OOSP1: variants seen among roughly 807,000 people sequenced by gnomAD.
The protein encoded by OOSP1 is oocyte secreted protein 1.
OOSP1 carries 11 observed loss-of-function variants against 5.7 expected under a neutral mutation model. The ratio of observed to expected loss-of-function variants is 1.94; its 90% confidence interval spans 1.22 to 3.20. The LOEUF (loss-of-function observed/expected upper bound fraction) is 3.20. Among genes scored for constraint, OOSP1 ranks in the 30% most tolerant of loss-of-function variants. The pLI is 0.00. For synonymous variants in OOSP1, 44 were observed against 20.0 expected, an observed-to-expected ratio of 2.20 and a Z score of -3.20; for missense variants, 83 against 54.1, an observed-to-expected ratio of 1.53 and a Z score of -1.67.
chr11:59,951,196 T>C (rs1853936134), intron 4 of OOSP1, among the ~76,000 whole-genome samples: 1 of 151,670 alleles, frequency 6.6e-6, no homozygotes, highest in Non-Finnish European at 1.5e-5. Context: ...TCAGGTGGGG[T>C]AACCTCGTAT....
At chr11:59,954,387 A>G (rs980178922) in intron 4 of OOSP1, among the ~76,000 whole-genome samples, 5 of 151,694 alleles carry the variant, frequency 3.3e-5, no homozygotes, top group African/African-American at 9.7e-5. Flanking sequence ...TTTTTTTTTT[A>G]CCAAAATAGG....
intron 1 of OOSP1, among the ~76,000 whole-genome samples, chr11:59,938,773 T>A (rs1214503635): frequency 1.3e-5 from 2 of 152,226 alleles, no homozygotes; most frequent in African/African-American, 4.8e-5. Flanking sequence ...CCTTTTGATC[T>A]TATTCTGACC....
chr11:59,943,123 A>G (rs569474082), intron 2 of OOSP1, 95 bp downstream of exon 2: 22 of 499,604 alleles, frequency 4.4e-5, no homozygotes, highest in African/African-American at 4.2e-4. Context: ...ATTCCCACCT[A>G]TGAGTGAGAA....
At chr11:59,957,472 C>T (rs1854004017) in exon 5 of OOSP1, 1 of 356,434 alleles carries the variant, frequency 2.8e-6, no homozygotes, top group Non-Finnish European at 5.0e-6. Context: ...CAATAAAATT[C>T]TGAAAACGAG....
intron 3 of OOSP1, among the ~76,000 whole-genome samples, chr11:59,946,377 A>T (rs890889828): frequency 6.6e-6 from 1 of 152,154 alleles, no homozygotes; most frequent in Non-Finnish European, 1.5e-5. Context: ...GCCGTGCTAA[A>T]CCATTCGTGA....
At chr11:59,951,141 T>C (rs1012016764) in intron 4 of OOSP1, among the ~76,000 whole-genome samples, 1 of 151,886 alleles carries the variant, frequency 6.6e-6, no homozygotes, top group Non-Finnish European at 1.5e-5. Context: ...GCTGAAATGC[T>C]GAATATAAAA....
intron 4 of OOSP1, among the ~76,000 whole-genome samples, chr11:59,956,791 G>A (rs942256402): frequency 2.6e-5 from 4 of 152,088 alleles, no homozygotes; most frequent in African/African-American, 9.7e-5. Flanking sequence ...ACATATAAGT[G>A]AGAACATACA....
In OOSP1 at chr11:59,939,819, C is replaced by G. The variant is rs73493111; in HGVS notation, c.76+1289C>G. On this transcript the variant is annotated intron_variant, in intron 1 of 4. Transcript: ENST00000646685. Reference sequence around the variant, plus strand: ...TTTCTCTTTCTCTTCTCTTTCTCTTCTTTCTCTTTCTTTTGTTTTCTTTCT... The same window carrying G: ...TTTCTCTTTCTCTTCTCTTTCTCTTGTTTCTCTTTCTTTTGTTTTCTTTCT... Among the ~76,000 whole-genome samples, 877 of 149,578 alleles carry G rather than the reference C, an allele frequency of 5.9e-3. 12 individuals carry two copies. Among genetic ancestry groups the G allele is most frequent in the African/African-American group, 0.019 (782 of 40,682 alleles).
intron 3 of OOSP1, among the ~76,000 whole-genome samples, 159 bp from the exon 4 acceptor site, chr11:59,947,574 A>G (rs1853899159): frequency 6.6e-6 from 1 of 152,086 alleles, no homozygotes; most frequent in African/African-American, 2.4e-5. Context: ...ACTGCCTGTG[A>G]TGTTCTGGGG....
chr11:59,940,026 C>T (rs576288829), intron 1 of OOSP1, among the ~76,000 whole-genome samples: 1 of 152,352 alleles, frequency 6.6e-6, no homozygotes, highest in Non-Finnish European at 1.5e-5. Flanking sequence ...AGGCGTGAGC[C>T]ACTGCTTCCT....
chr11:59,954,711 C>A (rs566073818), intron 4 of OOSP1, among the ~76,000 whole-genome samples: 4 of 151,972 alleles, frequency 2.6e-5, no homozygotes, highest in African/African-American at 9.6e-5. Flanking sequence ...ATAATAGCAT[C>A]TTTCATTGAG....
intron 2 of OOSP1, 134 bp downstream of exon 2, chr11:59,943,162 G>T (rs945464680): frequency 4.0e-6 from 1 of 252,734 alleles, no homozygotes; most frequent in Non-Finnish European, 7.5e-6. Flanking sequence ...TTGTCCTTGC[G>T]ATAGTTTGCT....
In OOSP1 at chr11:59,947,719, T is replaced by C; in HGVS notation, c.357-14T>C. Reference sequence around the variant, plus strand: ...AACCACTATGTGATATTTTTCTATCTTCTCTTATTTTAGTCAGCATCATCT... The same window carrying C: ...AACCACTATGTGATATTTTTCTATCCTCTCTTATTTTAGTCAGCATCATCT... On this transcript the variant is annotated splice_polypyrimidine_tract_variant and intron_variant, in intron 3 of 4. Transcript: ENST00000646685. 1 of 398,636 alleles carries C rather than the reference T, an allele frequency of 2.5e-6. No individual in the cohort carries two copies. Among genetic ancestry groups the C allele is most frequent in the Non-Finnish European group, 4.4e-6 (1 of 225,776 alleles). 24.7% of individuals were successfully genotyped at this position (398,636 alleles called of 1,614,324 possible).
intron 4 of OOSP1, among the ~76,000 whole-genome samples, chr11:59,951,568 G>A (rs893244497): frequency 6.6e-6 from 1 of 152,110 alleles, no homozygotes; most frequent in Non-Finnish European, 1.5e-5. Context: ...CTCTCTTGGA[G>A]TTAGCTTTAG....
intron 1 of OOSP1, 90 bp from the exon 2 acceptor site, chr11:59,942,757 T>TCC (rs1305173770): frequency 1.6e-6 from 1 of 610,056 alleles, no homozygotes; most frequent in Non-Finnish European, 2.9e-6. Context: ...AGGGATGATC[T>TCC]CTTCATTTGT....
At chr11:59,943,950 A>G (rs1465993763) in intron 2 of OOSP1, among the ~76,000 whole-genome samples, 2 of 152,248 alleles carry the variant, frequency 1.3e-5, no homozygotes, top group Non-Finnish European at 2.9e-5. Flanking sequence ...GATAAATTCC[A>G]CAGATTGGGT....
chr11:59,941,185 G>T (rs987974148), intron 1 of OOSP1, among the ~76,000 whole-genome samples: 1 of 151,602 alleles, frequency 6.6e-6, no homozygotes, highest in African/African-American at 2.4e-5. Flanking sequence ...TGGAATTGGC[G>T]TTTTTTTTCA....
chr11:59,947,995 G>T, intron 4 of OOSP1, 133 bp downstream of exon 4: 1 of 394,646 alleles, frequency 2.5e-6, no homozygotes, highest in Non-Finnish European at 4.5e-6. Context: ...TCCGGTTCAA[G>T]AATGCAAATT....
chr11:59,949,503 TA>T (rs112691509), intron 4 of OOSP1, among the ~76,000 whole-genome samples: 1,633 of 147,010 alleles, frequency 0.011, 30 homozygotes, highest in African/African-American at 0.037. Flanking sequence ...ATAATAAAAT[TA>T]AAAAAAAAAG....
Sources: gnomAD v4.1 joint callset for allele counts (sites outside exome capture counted in the v4.1 genomes callset) on GRCh38, gnomAD v4.1.1 for gene constraint, MANE v1.5 for transcripts, NCBI Gene and HGNC (gene_info 2026-07-23, HGNC 2026-07-21) for gene names.